KHDRBS2: variants seen among roughly 807,000 people sequenced by gnomAD.
The protein encoded by KHDRBS2 is KH RNA binding domain containing, signal transduction associated 2.
KHDRBS2 carries 26 observed loss-of-function variants against 44.3 expected under a neutral mutation model. The ratio of observed to expected loss-of-function variants is 0.59; its 90% CI spans 0.43 to 0.81. The LOEUF (loss-of-function observed/expected upper bound fraction) is 0.81, where lower values mean the gene tolerates loss of function less well. Among genes scored for constraint, KHDRBS2 ranks in the 40% least tolerant of loss-of-function variants. The pLI, the probability that KHDRBS2 is intolerant of heterozygous loss-of-function variation, is 0.00. For missense variants in KHDRBS2, 476 were observed against 433.1 expected (o/e 1.10, Z -0.88); for synonymous variants, 194 against 151.1 (o/e 1.28, Z -2.08).
At chr6:61,675,124 A>G (rs1052298150), downstream of KHDRBS2, among the ~76,000 whole-genome samples, 12 of 151,790 alleles carry the variant, frequency 7.9e-5, no homozygotes, top group Non-Finnish European at 1.8e-4. Flanking sequence ...TCTATCAAAC[A>G]CTTGGTCTTA....
chr6:62,084,949 A>T (rs1371342016), intron 2 of KHDRBS2, among the ~76,000 whole-genome samples: 1 of 152,164 alleles, frequency 6.6e-6, no homozygotes, highest in Non-Finnish European at 1.5e-5. Context: ...AATGAATATT[A>T]GTGTCCACAA....
intron 2 of KHDRBS2, among the ~76,000 whole-genome samples, chr6:62,090,606 G>T (rs968278691): frequency 6.6e-6 from 1 of 150,530 alleles, no homozygotes; most frequent in African/African-American, 2.4e-5. Context: ...AACATTTACT[G>T]AGCACCAGTC....
chr6:61,720,640 G>A (rs1411545707), intron 7 of KHDRBS2, among the ~76,000 whole-genome samples: 1 of 151,940 alleles, frequency 6.6e-6, no homozygotes, highest in African/African-American at 2.4e-5. Context: ...TTTTTTTCTT[G>A]TGAATTTGTT....
At chr6:62,088,995 C>A (rs2127361637) in intron 2 of KHDRBS2, among the ~76,000 whole-genome samples, 1 of 152,236 alleles carries the variant, frequency 6.6e-6, no homozygotes, top group African/African-American at 2.4e-5. Context: ...CCAGTGTGAA[C>A]TTCCAGGCAG....
intron 6 of KHDRBS2, among the ~76,000 whole-genome samples, chr6:61,742,283 C>T (rs1020955684): frequency 7.2e-5 from 11 of 151,982 alleles, no homozygotes; most frequent in African/African-American, 2.7e-4. Flanking sequence ...CCATAAGATG[C>T]ATAGAATGTC....
At chr6:61,881,818 G>T (rs192238190) in intron 6 of KHDRBS2, among the ~76,000 whole-genome samples, 1 of 151,956 alleles carries the variant, frequency 6.6e-6, no homozygotes, top group Non-Finnish European at 1.5e-5. Flanking sequence ...TGACAACAAC[G>T]GGTGCTCTGT....
intron 1 of KHDRBS2, among the ~76,000 whole-genome samples, chr6:62,229,695 C>A (rs1432192410): frequency 6.6e-6 from 1 of 152,126 alleles, no homozygotes; most frequent in African/African-American, 2.4e-5. Flanking sequence ...AGCATGTTTC[C>A]CCAAGCTGGG....
the KHDRBS2 span, among the ~76,000 whole-genome samples, chr6:61,674,891 C>A: frequency 6.6e-6 from 1 of 151,700 alleles, no homozygotes; most frequent in East Asian, 2.0e-4. Context: ...TAAGGAGTAA[C>A]ATTTTAAAAT....
intron 6 of KHDRBS2, among the ~76,000 whole-genome samples, chr6:61,788,137 A>G (rs1386270023): frequency 1.3e-5 from 2 of 151,592 alleles, no homozygotes; most frequent in South Asian, 2.1e-4. Flanking sequence ...ATGGTCTCAT[A>G]TGTTGTTACA....
At chr6:61,611,452 T>C in the KHDRBS2 span, among the ~76,000 whole-genome samples, 1 of 152,212 alleles carries the variant, frequency 6.6e-6, no homozygotes, top group Non-Finnish European at 1.5e-5. Context: ...AAGGATAGGA[T>C]AAGTAAGTAT....
At chr6:61,858,425 T>A (rs1796453120) in intron 6 of KHDRBS2, among the ~76,000 whole-genome samples, 1 of 151,902 alleles carries the variant, frequency 6.6e-6, no homozygotes, top group Non-Finnish European at 1.5e-5. Flanking sequence ...AATATTAGTT[T>A]TTTTCTGTAT....
At chr6:62,225,360 G>A (rs2150155155) in intron 1 of KHDRBS2, among the ~76,000 whole-genome samples, 1 of 152,172 alleles carries the variant, frequency 6.6e-6, no homozygotes, top group Non-Finnish European at 1.5e-5. Flanking sequence ...ATAAAATTGG[G>A]ATATACTTAT....
the KHDRBS2 span, among the ~76,000 whole-genome samples, chr6:61,602,924 G>A: frequency 7.9e-5 from 12 of 151,920 alleles, no homozygotes; most frequent in African/African-American, 1.9e-4. Flanking sequence ...ATAGCCACAC[G>A]TCATTGCCAC....
intron 6 of KHDRBS2, among the ~76,000 whole-genome samples, chr6:61,818,653 T>C (rs553740521): frequency 3.0e-4 from 45 of 152,176 alleles, no homozygotes; most frequent in Admixed American, 1.6e-3. Flanking sequence ...ATTGAAAATG[T>C]GTGCCTCTTT....
chr6:61,964,733 T>C (rs889979251), intron 4 of KHDRBS2, among the ~76,000 whole-genome samples: 5 of 152,060 alleles, frequency 3.3e-5, no homozygotes, highest in Admixed American at 1.3e-4. Flanking sequence ...AGATTTCAAG[T>C]GATTCTGACA....
At chr6:62,250,870 G>A (rs1186743046) in intron 1 of KHDRBS2, among the ~76,000 whole-genome samples, 3 of 151,938 alleles carry the variant, frequency 2.0e-5, no homozygotes, top group Non-Finnish European at 4.4e-5. Flanking sequence ...CAAATACAAA[G>A]ACAAGTTATA....
At chr6:61,911,866 G>T (rs1388967019) in intron 4 of KHDRBS2, among the ~76,000 whole-genome samples, 1 of 150,850 alleles carries the variant, frequency 6.6e-6, no homozygotes, top group African/African-American at 2.4e-5. Context: ...GCAGTTTCCA[G>T]CTCCCCCCAA....
chr6:61,760,449 A>G (rs1779109539), intron 6 of KHDRBS2, among the ~76,000 whole-genome samples: 1 of 152,102 alleles, frequency 6.6e-6, no homozygotes, highest in Non-Finnish European at 1.5e-5. Context: ...CCTGGGCAAC[A>G]TGACAAAACC....
downstream of KHDRBS2, among the ~76,000 whole-genome samples, chr6:61,678,246 A>G (rs1241989075): frequency 6.6e-6 from 1 of 151,982 alleles, no homozygotes; most frequent in Non-Finnish European, 1.5e-5. Flanking sequence ...TGTGGATTTC[A>G]TAACTGTCCC....
Sources: allele counts gnomAD v4.1 joint callset (sites outside exome capture counted in the v4.1 genomes callset), GRCh38; gene constraint gnomAD v4.1.1; transcripts MANE v1.5; gene names NCBI Gene and HGNC (gene_info 2026-07-23, HGNC 2026-07-21).